FANCA: variants seen among roughly 807,000 people sequenced by gnomAD.
FANCA encodes Fanconi anemia group A protein.
A neutral mutation model predicts 194.3 loss-of-function variants in FANCA; 236 were observed. The observed-to-expected ratio is 1.21, with a 90% CI of 1.09 to 1.35. The LOEUF (loss-of-function observed/expected upper bound fraction) is 1.35. FANCA is among the 40% of genes most tolerant of loss of function. The pLI is 0.00. For synonymous variants in FANCA, 1,014 were observed against 715.8 expected (o/e 1.42, Z -6.65); for missense variants, 2,628 against 1,813.9 (o/e 1.45, Z -8.15).
rs760431880 is a variant in FANCA, at chr16:89,764,951, G to C, written c.2717C>G (p.Ala906Gly). 5.6e-6 allele frequency: 9 copies of C among 1,614,180 alleles called. No individual in the cohort carries two copies. In the South Asian group the frequency reaches 9.9e-5, roughly 18 times the overall value. The change falls in exon 28 of 43, where the codon GCT (alanine) becomes GGT (glycine). Residue 906 changes from alanine (A) to glycine (G), a missense_variant. Ala to Gly is a moderately conservative substitution (Grantham distance 60). Coordinates refer to ENST00000389301, the MANE Select transcript of FANCA (RefSeq NM_000135.4). ...TCTGTGTGTCCAGAGAGAGAGGGCAGCTCTCTGCCAGTCTGCAGAAGGAAG... is the reference window on the plus strand; with the variant it reads ...TCTGTGTGTCCAGAGAGAGAGGGCACCTCTCTGCCAGTCTGCAGAAGGAAG... ...LHLPSADWQR[A>G]ALSLWTHRTF...
rs1438828232 is a variant in FANCA at position 89,784,946 on chromosome 16, G to T, written c.1378C>A (p.Arg460=). 3 of 1,613,888 alleles carry T rather than the reference G, an allele frequency of 1.9e-6. No individual in the cohort carries two copies. Among genetic ancestry groups the T allele is most frequent in the Non-Finnish European group, 1.7e-6 (2 of 1,179,832 alleles). Residue 460 remains arginine, a synonymous_variant, in exon 15 of 43, where the codon CGA becomes AGA. Coordinates refer to ENST00000389301, the MANE Select transcript of FANCA (RefSeq NM_000135.4). ...TTCTTGCTGCAGCCATGGTAGCCTC[G>T]TGTGCTCCCAAAGGAGGCCTGTGTG... The part of the protein sequence containing the change: ...DWFKASFGST[R]GYHGCSKKAL...
chr16:89,801,986 G>T (rs374101616), intron 8 of FANCA, among the ~76,000 whole-genome samples: 1 of 152,134 alleles, frequency 6.6e-6, no homozygotes, highest in East Asian at 1.9e-4. Flanking sequence ...TCAGCCAGCT[G>T]AAGAGACATC....
intron 30 of FANCA, among the ~76,000 whole-genome samples, chr16:89,754,397 G>A (rs1165595090): frequency 1.3e-5 from 2 of 152,068 alleles, no homozygotes; most frequent in South Asian, 2.1e-4. Context: ...TTGAGACTGA[G>A]TTTCACTCTT....
chr16:89,792,649 T>C (rs1284526303), intron 11 of FANCA, 102 bp from the exon 12 acceptor site: 2 of 906,446 alleles, frequency 2.2e-6, no homozygotes, highest in African/African-American at 1.6e-5. Flanking sequence ...TCTCCCCGTG[T>C]GCGGCGACGA....
At chr16:89,811,856 A>G (rs935924117) in intron 3 of FANCA, among the ~76,000 whole-genome samples, 34 of 151,860 alleles carry the variant, frequency 2.2e-4, no homozygotes, top group African/African-American at 7.0e-4. Flanking sequence ...TCAGCCTCCC[A>G]AGTAGCTGGG....
At chr16:89,786,120 G>C (rs944868705) in intron 14 of FANCA, among the ~76,000 whole-genome samples, 2 of 148,094 alleles carry the variant, frequency 1.4e-5, no homozygotes, top group African/African-American at 2.5e-5. Flanking sequence ...CCGGGTTCAA[G>C]TGATTCTCCC....
chr16:89,738,570 G>C lies in FANCA; in HGVS notation c.*31C>G, dbSNP rs2062027301. 3.1e-6 allele frequency: 5 copies of C among 1,612,922 alleles called. No individual in the cohort carries two copies. Among genetic ancestry groups the C allele is most frequent in the Non-Finnish European group, 4.2e-6 (5 of 1,180,008 alleles). ...TGCTTGTAATAAATTATTTACACGG[G>C]AGCTGGGCTGGTGTGCAGTGGCAGG... On this transcript the variant is annotated 3_prime_UTR_variant, in exon 43 of 43. Transcript: ENST00000389301.
intron 14 of FANCA, 130 bp downstream of exon 14, chr16:89,791,273 G>T: frequency 7.9e-7 from 1 of 1,265,600 alleles, no homozygotes; most frequent in South Asian, 1.3e-5. Context: ...ATCTGCCAAG[G>T]CCACTCGGCA....
At chr16:89,794,423 G>A (rs1326060996) in intron 11 of FANCA, among the ~76,000 whole-genome samples, 5 of 152,040 alleles carry the variant, frequency 3.3e-5, no homozygotes, top group African/African-American at 4.8e-5. Flanking sequence ...GGTGGCAGGC[G>A]CCTGTAATTC....
chr16:89,797,029 G>A (rs1208034126), intron 10 of FANCA, among the ~76,000 whole-genome samples: 1 of 152,110 alleles, frequency 6.6e-6, no homozygotes, highest in African/African-American at 2.4e-5. Flanking sequence ...GCATGGTGGT[G>A]GGCACCTGTA....
At chr16:89,813,282 C>A (rs916226535) in intron 3 of FANCA, among the ~76,000 whole-genome samples, 2 of 151,890 alleles carry the variant, frequency 1.3e-5, no homozygotes, top group Admixed American at 1.3e-4. Flanking sequence ...GTGGCGCACA[C>A]CTGTAGTCCC....
intron 27 of FANCA, among the ~76,000 whole-genome samples, chr16:89,765,495 G>A (rs1475374217): frequency 6.6e-6 from 1 of 152,286 alleles, no homozygotes; most frequent in East Asian, 1.9e-4. Flanking sequence ...CCATCTGACT[G>A]CTTCCTTGAG....
chr16:89,791,685 G>T, intron 13 of FANCA, 149 bp from the exon 14 acceptor site: 1 of 1,189,822 alleles, frequency 8.4e-7, no homozygotes, highest in Non-Finnish European at 1.2e-6. Flanking sequence ...ATTACAGCAT[G>T]TCAAGTGCAA....
intron 28 of FANCA, among the ~76,000 whole-genome samples, chr16:89,764,141 C>T (rs1198756882): frequency 6.6e-6 from 1 of 151,818 alleles, no homozygotes; most frequent in Admixed American, 6.6e-5. Flanking sequence ...ACTGGAGAGG[C>T]TGAGGCATGA....
intron 30 of FANCA, among the ~76,000 whole-genome samples, chr16:89,757,205 GC>G (rs1377628052): frequency 2.0e-5 from 3 of 151,902 alleles, no homozygotes; most frequent in Non-Finnish European, 4.4e-5. Context: ...CAGATGATCC[GC>G]CTGCCTTGGC....
intron 7 of FANCA, 72 bp downstream of exon 7, chr16:89,805,208 T>C (rs1379030060): frequency 5.0e-6 from 6 of 1,203,714 alleles, no homozygotes; most frequent in African/African-American, 1.5e-5. Context: ...CGCAGAGCTC[T>C]TGAGAGCAGA....
chr16:89,816,065 C>T, intron 1 of FANCA, 79 bp from the exon 2 acceptor site: 1 of 1,075,896 alleles, frequency 9.3e-7, no homozygotes, highest in South Asian at 1.3e-5. Context: ...AGGTGGACGC[C>T]GCGGAGAAAC....
chr16:89,785,006 C>T (rs779758987), intron 14 of FANCA, 42 bp from the exon 15 acceptor site: 24 of 1,435,338 alleles, frequency 1.7e-5, no homozygotes, highest in East Asian at 4.5e-5. Flanking sequence ...CAGCCAGGCG[C>T]GGCTGCACCA....
intron 14 of FANCA, among the ~76,000 whole-genome samples, chr16:89,789,306 T>TGC: frequency 8.3e-6 from 1 of 119,986 alleles, no homozygotes; most frequent in African/African-American, 3.4e-5. Flanking sequence ...TCAGAAGGCC[T>TGC]GGGGGGGGAG....
Sources: allele counts gnomAD v4.1 joint callset (sites outside exome capture counted in the v4.1 genomes callset), GRCh38; gene constraint gnomAD v4.1.1; transcripts MANE v1.5; gene names NCBI Gene and HGNC (gene_info 2026-07-23, HGNC 2026-07-21).